PDE9A: variants seen among roughly 807,000 people sequenced by gnomAD.
PDE9A encodes high affinity cGMP-specific 3',5'-cyclic phosphodiesterase 9A.
A neutral mutation model predicts 87.4 loss-of-function variants in PDE9A; 60 were observed. The observed-to-expected ratio is 0.69, with a 90% CI of 0.56 to 0.85. The LOEUF is 0.85. Ranked by LOEUF, PDE9A falls within the 40% of genes least tolerant of loss-of-function variation. The probability of loss-of-function intolerance (pLI) is 0.00; values close to 1 mark genes in which losing one functional copy is unlikely to be tolerated. For synonymous variants in PDE9A, 272 were observed against 279.4 expected (o/e 0.97, Z 0.27); for missense variants, 665 against 779.0 (o/e 0.85, Z 1.74).
At chr21:42,749,041 AG>A (rs1180085790) in intron 8 of PDE9A, among the ~76,000 whole-genome samples, 1 of 152,202 alleles carries the variant, frequency 6.6e-6, no homozygotes, top group Non-Finnish European at 1.5e-5. Flanking sequence ...TGGGACATTC[AG>A]GTGGCTTCTA....
chr21:42,769,148 T>C lies in PDE9A; in HGVS notation c.1583T>C (p.Val528Ala). The change falls in exon 17 of 20, where the codon GTG becomes GCG. Residue 528 changes from valine to alanine, a missense_variant. Physicochemically the swap from Val to Ala is moderately conservative, Grantham distance 64 (BLOSUM62 0). Transcript: ENST00000291539. ...GTCCTGATCCCAATGTTTGAAACAG[T>C]GACCAAGGTGAGTAACTGTCACCAC... Reference protein sequence around the residue: ...KFVLIPMFETVTKLFPMVEEI... With the variant: ...KFVLIPMFETATKLFPMVEEI... The C allele has an allele frequency of 1.2e-6, 2 of 1,613,022 alleles. No individual in the cohort carries two copies. Among genetic ancestry groups the C allele is most frequent in the Non-Finnish European group, 1.7e-6 (2 of 1,179,390 alleles).
At chr21:42,730,383 G>A (rs539205453) in intron 4 of PDE9A, among the ~76,000 whole-genome samples, 5 of 152,102 alleles carry the variant, frequency 3.3e-5, no homozygotes, top group Admixed American at 1.3e-4. Context: ...CTACCCTCTC[G>A]TTTGACAGGT....
At chr21:42,737,752 C>A (rs1261709520) in intron 7 of PDE9A, among the ~76,000 whole-genome samples, 2 of 152,238 alleles carry the variant, frequency 1.3e-5, no homozygotes, top group Non-Finnish European at 2.9e-5. Flanking sequence ...GCCATTGTGC[C>A]CGGCCAAGCT....
chr21:42,726,856 G>A (rs2051171314), intron 4 of PDE9A, among the ~76,000 whole-genome samples: 1 of 150,366 alleles, frequency 6.7e-6, no homozygotes, highest in African/African-American at 2.5e-5. Context: ...AATCAGTTGG[G>A]CGTATTTGTA....
rs1246828424 is a variant in PDE9A, at chr21:42,726,620, A to ATTTTTTTTTTTT, written c.263-5149_263-5148insTTTTTTTTTTTT. On this transcript the variant is annotated intron_variant, in intron 4 of 19. Transcript: ENST00000291539. ...TATATATATATATATATATATATATATATATTTTTTTTTTTTTTTTTGTAG... is the reference window on the plus strand; with the variant it reads ...TATATATATATATATATATATATATATTTTTTTTTTTTTATATTTTTTTTTTTTTTTTTGTAG... Among the ~76,000 whole-genome samples, 17 of 24,240 alleles carry ATTTTTTTTTTTT rather than the reference A, an allele frequency of 7.0e-4. 1 individual carries two copies. Among genetic ancestry groups the ATTTTTTTTTTTT allele is most frequent in the African/African-American group, 3.4e-3 (14 of 4,088 alleles). The allele number at this position is 24,240 out of a possible 152,430, so 15.9% of individuals were successfully genotyped here.
intron 4 of PDE9A, among the ~76,000 whole-genome samples, chr21:42,711,849 G>T (rs1209480795): frequency 6.6e-6 from 1 of 152,094 alleles, no homozygotes; most frequent in Non-Finnish European, 1.5e-5. Context: ...TGGCTCCTTT[G>T]TTGAAAGTTA....
At chr21:42,680,095 C>G (rs1445286190) in intron 1 of PDE9A, among the ~76,000 whole-genome samples, 1 of 152,238 alleles carries the variant, frequency 6.6e-6, no homozygotes, top group Non-Finnish European at 1.5e-5. Context: ...CCTCCCCTCC[C>G]TCTCACAGCC....
At chr21:42,686,898 T>C (rs1475604625) in intron 2 of PDE9A, among the ~76,000 whole-genome samples, 1 of 152,186 alleles carries the variant, frequency 6.6e-6, no homozygotes, top group Non-Finnish European at 1.5e-5. Context: ...GGTGGTTGTG[T>C]GTGTTTGGTC....
intron 4 of PDE9A, among the ~76,000 whole-genome samples, chr21:42,709,930 G>A (rs541439457): frequency 3.3e-5 from 5 of 152,246 alleles, no homozygotes; most frequent in South Asian, 4.1e-4. Flanking sequence ...TGCATGCCTC[G>A]CTCATTCATT....
In PDE9A at chr21:42,743,226, A is replaced by G. The variant is rs539172513; in HGVS notation, c.569-550A>G. Among the ~76,000 whole-genome samples, 6 of 152,282 alleles carry G rather than the reference A, an allele frequency of 3.9e-5. No individual in the cohort carries two copies. In the South Asian group the frequency reaches 1.2e-3, roughly 32 times the overall value. ...CAAGTCCAAGTTCTGCTGATCCTCA[A>G]CTTTGCCTATTTATTTCTCTTCTGT... On this transcript the variant is annotated intron_variant, in intron 7 of 19. Transcript: ENST00000291539.
intron 7 of PDE9A, among the ~76,000 whole-genome samples, chr21:42,735,741 C>A (rs1167135170): frequency 6.6e-6 from 1 of 152,216 alleles, no homozygotes; most frequent in East Asian, 1.9e-4. Flanking sequence ...GGCCCATCTC[C>A]AGATCCCTAA....
At chr21:42,680,117 C>T (rs567824516) in intron 1 of PDE9A, among the ~76,000 whole-genome samples, 28 of 152,348 alleles carry the variant, frequency 1.8e-4, no homozygotes, top group African/African-American at 6.3e-4. Flanking sequence ...CCGCTGCCCC[C>T]GGGCTCAGGG....
At chr21:42,677,121 G>A (rs1309324691) in intron 1 of PDE9A, among the ~76,000 whole-genome samples, 1 of 152,190 alleles carries the variant, frequency 6.6e-6, no homozygotes, top group Non-Finnish European at 1.5e-5. Context: ...GTACATGCCT[G>A]GGCTCTCTTC....
At chr21:42,657,475 G>A (rs1569089351) in intron 1 of PDE9A, among the ~76,000 whole-genome samples, 1 of 152,234 alleles carries the variant, frequency 6.6e-6, no homozygotes, top group Non-Finnish European at 1.5e-5. Flanking sequence ...TTCCCCAGAG[G>A]ATTCGTTTTT....
Position 42,760,960 on chromosome 21 carries a change from G to A in PDE9A, c.1085+53G>A. On this transcript the variant is annotated intron_variant, in intron 13 of 19. Coordinates refer to ENST00000291539, the MANE Select transcript of PDE9A (RefSeq NM_002606.3). This position sits in a 1 kb window ranked among gnomAD's most constrained non-coding sequence, Gnocchi z 5.2. ...CTTTTAAAAGGCACCCTGGCTACTG[G>A]AGGGAACCTGTCAGCCCAACCCTCA... 2 of 1,171,084 alleles carry A rather than the reference G, an allele frequency of 1.7e-6. No individual in the cohort carries two copies. Among genetic ancestry groups the A allele is most frequent in the Non-Finnish European group, 2.6e-6 (2 of 777,928 alleles). The allele number at this position is 1,171,084 out of a possible 1,614,324, so 72.5% of individuals were successfully genotyped here. A position where few individuals can be genotyped will look rare whatever the true frequency, so the allele number is the denominator to read the frequency against.
In PDE9A at chr21:42,660,699, G is replaced by C. The variant is rs1325758120; in HGVS notation, c.69+6816G>C. Among the ~76,000 whole-genome samples, 2 of 152,094 alleles carry C rather than the reference G, an allele frequency of 1.3e-5. No individual in the cohort carries two copies. Among genetic ancestry groups the C allele is most frequent in the African/African-American group, 4.8e-5 (2 of 41,392 alleles). On this transcript the variant is annotated intron_variant, in intron 1 of 19. Transcript: ENST00000291539. This position sits in a 1 kb window ranked among gnomAD's most constrained non-coding sequence, Gnocchi z 4.7. Reference sequence around the variant, plus strand: ...CAAGGGTCCATCTGCAGGAGTTGGAGGAGCGCATGCCTGTATTCCTGGCAC... The same window carrying C: ...CAAGGGTCCATCTGCAGGAGTTGGACGAGCGCATGCCTGTATTCCTGGCAC...
At chr21:42,710,952 A>G (rs1054209786) in intron 4 of PDE9A, among the ~76,000 whole-genome samples, 8 of 152,148 alleles carry the variant, frequency 5.3e-5, no homozygotes, top group Non-Finnish European at 1.2e-4. Context: ...CGCGCCTTGC[A>G]CTCCAGCCTG....
Position 42,732,074 on chromosome 21 carries a change from A to G in PDE9A, c.447A>G (p.Arg149=), listed in dbSNP as rs776989693. The change falls in exon 6 of 20, where the codon AGA becomes AGG. Residue 149 remains arginine, a synonymous_variant. Coordinates refer to ENST00000291539, the MANE Select transcript of PDE9A (RefSeq NM_002606.3). Reference sequence around the variant, plus strand: ...TCTTTCTTCTTTGGTTTGTAGAGAGAGAAGAATTAATCCAGAGCGTGCTGG... The same window carrying G: ...TCTTTCTTCTTTGGTTTGTAGAGAGGGAAGAATTAATCCAGAGCGTGCTGG... ...YQEGQRIPPE[R]EELIQSVLAQ... is the part of the protein sequence containing the mutation. The G allele has an allele frequency of 6.2e-7, 1 of 1,614,192 alleles. No individual in the cohort carries two copies. The highest frequency in any genetic ancestry group is 1.7e-5 in the Admixed American group (1 of 60,034).
chr21:42,680,108 C>T (rs891608747), intron 1 of PDE9A, among the ~76,000 whole-genome samples: 9 of 152,248 alleles, frequency 5.9e-5, no homozygotes, highest in South Asian at 2.1e-4. Context: ...TCACAGCCTC[C>T]GCTGCCCCCG....
Sources: gnomAD v4.1 joint callset for allele counts (sites outside exome capture counted in the v4.1 genomes callset) on GRCh38, gnomAD v4.1.1 for gene constraint, Gnocchi (gnomAD v3.1) non-coding constraint, MANE v1.5 for transcripts, NCBI Gene and HGNC (gene_info 2026-07-23, HGNC 2026-07-21) for gene names.